TAFA2: variants seen among roughly 807,000 people sequenced by gnomAD.
TAFA2 encodes chemokine-like protein TAFA-2.
A neutral mutation model predicts 18.8 loss-of-function variants in TAFA2; 7 were observed. That is an observed-to-expected ratio of 0.37 (90% CI 0.21 to 0.70). The LOEUF (loss-of-function observed/expected upper bound fraction) is 0.70. Among genes scored for constraint, TAFA2 ranks in the 30% least tolerant of loss-of-function variants. TAFA2 has a pLI of 0.53. For synonymous variants in TAFA2, 60 were observed against 54.2 expected (o/e 1.11, Z -0.47); for missense variants, 122 against 158.1 (o/e 0.77, Z 1.23).
chr12:62,198,497 A>C (rs772343683), intron 1 of TAFA2: 12 of 152,216 alleles, frequency 7.9e-5, no homozygotes, highest in Non-Finnish European at 1.6e-4. Context: ...AGTGTTCTGC[A>C]AGATACGGTA....
At chr12:61,844,868 C>G (rs1455873908) in intron 2 of TAFA2, among the ~76,000 whole-genome samples, 2 of 152,058 alleles carry the variant, frequency 1.3e-5, no homozygotes, top group Non-Finnish European at 2.9e-5. Context: ...GGCAGTATCA[C>G]AGAACTTAAA....
At chr12:61,862,790 C>T (rs1874181378) in intron 2 of TAFA2, among the ~76,000 whole-genome samples, 1 of 152,176 alleles carries the variant, frequency 6.6e-6, no homozygotes, top group Non-Finnish European at 1.5e-5. Context: ...CTACTGGAAA[C>T]TTTAGATCTT....
intron 2 of TAFA2, among the ~76,000 whole-genome samples, chr12:61,781,180 A>T (rs1462247902): frequency 6.6e-6 from 1 of 151,776 alleles, no homozygotes; most frequent in East Asian, 2.0e-4. Context: ...TAAATGGGTC[A>T]TTGTAAGATC....
Position 62,221,083 on chromosome 12 carries a change from G to T in TAFA2, c.-130+37680C>A, listed in dbSNP as rs554575117. 8.7e-5 allele frequency among the ~76,000 whole-genome samples: 13 copies of T among 150,190 alleles called. No homozygotes were observed. The South Asian group carries it at 2.3e-3, about 27-fold the overall frequency. ...TGTGCCACTGCACTCCAGCCTGAGC[G>T]ACAGAGCGAGACTCCGTCTAAAAAA... On this transcript the variant is annotated intron_variant, in intron 1 of 5. Transcript: ENST00000551619.
chr12:61,953,904 T>C lies in TAFA2; in HGVS notation c.-1-86478A>G, dbSNP rs556636636. 3.0e-4 allele frequency among the ~76,000 whole-genome samples: 46 copies of C among 152,338 alleles called. No homozygotes were observed. In the South Asian group the frequency reaches 7.0e-3, roughly 23 times the overall value. ...ACACAGGCATTTTTGAAAAGCGTAT[T>C]AAGAAAGAACATACTTTGAAATTCT... On this transcript the variant is annotated intron_variant, in intron 1 of 4. Coordinates refer to ENST00000416284, the MANE Select transcript of TAFA2 (RefSeq NM_178539.5).
At chr12:61,992,802 G>A (rs1040019413) in intron 1 of TAFA2, among the ~76,000 whole-genome samples, 2 of 152,056 alleles carry the variant, frequency 1.3e-5, no homozygotes, top group African/African-American at 2.4e-5. Flanking sequence ...AGAAATTTTG[G>A]TGTTTCATAA....
At chr12:62,016,658 C>A (rs193014093) in intron 1 of TAFA2, among the ~76,000 whole-genome samples, 5 of 152,256 alleles carry the variant, frequency 3.3e-5, no homozygotes, top group Admixed American at 1.3e-4. Context: ...CATACTGCAA[C>A]AACATTCCTC....
rs912590608 is a variant in TAFA2 at position 62,145,338 on chromosome 12, A to T, written c.-2+45921T>A. On this transcript the variant is annotated intron_variant, in intron 1 of 4. Coordinates refer to ENST00000416284, the MANE Select transcript of TAFA2 (RefSeq NM_178539.5). ...GGCCTCAGATTCTCGTAGGAGCCAGAACCCTACTGTGAACTGCGCATGCAA... is the reference window on the plus strand; with the variant it reads ...GGCCTCAGATTCTCGTAGGAGCCAGTACCCTACTGTGAACTGCGCATGCAA... 2.0e-5 allele frequency among the ~76,000 whole-genome samples: 3 copies of T among 152,324 alleles called. No individual in the cohort carries two copies. The South Asian group carries it at 6.2e-4, about 32-fold the overall frequency.
intron 1 of TAFA2, among the ~76,000 whole-genome samples, chr12:62,122,780 G>T (rs574280515): frequency 2.0e-5 from 3 of 152,108 alleles, no homozygotes; most frequent in African/African-American, 7.2e-5. Flanking sequence ...TGGGTACATT[G>T]AGAAACACCA....
intron 1 of TAFA2, among the ~76,000 whole-genome samples, chr12:61,895,640 G>A (rs1439458564): frequency 2.6e-5 from 4 of 152,168 alleles, no homozygotes; most frequent in African/African-American, 9.7e-5. Context: ...CAGTTCAGAT[G>A]TTTGGCAATT....
chr12:62,075,902 T>C (rs939614380), intron 1 of TAFA2, among the ~76,000 whole-genome samples: 3 of 152,344 alleles, frequency 2.0e-5, no homozygotes, highest in African/African-American at 7.2e-5. Context: ...TTTATAAACC[T>C]TTTCCAAAAA....
At chr12:61,748,826 G>A (rs1012063835) in intron 4 of TAFA2, among the ~76,000 whole-genome samples, 1 of 152,018 alleles carries the variant, frequency 6.6e-6, no homozygotes, top group African/African-American at 2.4e-5. Context: ...TGGAACCCAA[G>A]AATAAACCTT....
chr12:62,029,811 ATCTCTCTCTC>A (rs71450570), intron 1 of TAFA2, among the ~76,000 whole-genome samples: 7 of 145,914 alleles, frequency 4.8e-5, no homozygotes, highest in Admixed American at 6.8e-5. Flanking sequence ...ATGTCTTCCT[ATCTCTCTCTC>A]TCTCTCTCTC....
intron 1 of TAFA2, among the ~76,000 whole-genome samples, chr12:62,150,767 A>T (rs747574322): frequency 1.3e-5 from 2 of 151,972 alleles, no homozygotes; most frequent in Non-Finnish European, 2.9e-5. Context: ...TTCGCCAGGC[A>T]TGGTGGTGTG....
chr12:62,039,329 C>T lies in TAFA2; in HGVS notation c.-2+151930G>A, dbSNP rs185993374. Reference sequence around the variant, plus strand: ...TATTCTTGGAGCACTCCATGAAAACCGCTGAGTAAGGGCAGTAAAATAGGT... The same window carrying T: ...TATTCTTGGAGCACTCCATGAAAACTGCTGAGTAAGGGCAGTAAAATAGGT... On this transcript the variant is annotated intron_variant, in intron 1 of 4. Coordinates refer to ENST00000416284, the MANE Select transcript of TAFA2 (RefSeq NM_178539.5). 3.0e-3 allele frequency among the ~76,000 whole-genome samples: 459 copies of T among 152,144 alleles called. 1 individual carries two copies. Among genetic ancestry groups the T allele is most frequent in the Non-Finnish European group, 4.0e-3 (274 of 67,998 alleles).
chr12:61,762,739 G>A (rs992410504), intron 2 of TAFA2, among the ~76,000 whole-genome samples: 31 of 151,586 alleles, frequency 2.0e-4, no homozygotes, highest in East Asian at 3.9e-4. Flanking sequence ...TAAATTTAGC[G>A]TCAAGTTGTG....
chr12:61,924,346 C>T (rs1252599097), intron 1 of TAFA2, among the ~76,000 whole-genome samples: 3 of 152,150 alleles, frequency 2.0e-5, no homozygotes, highest in Non-Finnish European at 4.4e-5. Context: ...AGAGAAAGGT[C>T]GGGTTACCCA....
At chr12:61,796,883 AC>A (rs1219381683) in intron 2 of TAFA2, among the ~76,000 whole-genome samples, 2 of 152,154 alleles carry the variant, frequency 1.3e-5, no homozygotes, top group Admixed American at 6.6e-5. Context: ...AAATTTACTG[AC>A]TGTATAGTTT....
At chr12:62,091,177 G>C (rs1411956181) in intron 1 of TAFA2, among the ~76,000 whole-genome samples, 1 of 151,914 alleles carries the variant, frequency 6.6e-6, no homozygotes, top group Non-Finnish European at 1.5e-5. Flanking sequence ...TTTCATCTAA[G>C]TAGTTGTCTG....
Sources: allele counts gnomAD v4.1 joint callset (sites outside exome capture counted in the v4.1 genomes callset), GRCh38; gene constraint gnomAD v4.1.1; transcripts MANE v1.5; gene names NCBI Gene and HGNC (gene_info 2026-07-23, HGNC 2026-07-21).